The following FOXP2 variants were observed in gnomAD, a reference collection of about 807,000 sequenced individuals.
The protein encoded by FOXP2 is forkhead box protein P2.
In FOXP2, 12 loss-of-function variants were observed where a neutral mutation model predicts 115.8. That is an observed-to-expected ratio of 0.10 (90% confidence interval 0.07 to 0.17). The LOEUF (loss-of-function observed/expected upper bound fraction) is 0.17, where lower values mean the gene tolerates loss of function less well. Among genes scored for constraint, FOXP2 ranks in the 10% least tolerant of loss-of-function variants. FOXP2 has a pLI of 1.00. For synonymous variants in FOXP2, 328 were observed against 297.7 expected (o/e 1.10, Z -1.05); for missense variants, 629 against 843.5 (o/e 0.75, Z 3.15).
At chr7:114,619,221 A>T (rs975872561) in intron 3 of FOXP2, among the ~76,000 whole-genome samples, 4 of 91,624 alleles carry the variant, frequency 4.4e-5, no homozygotes, top group African/African-American at 1.1e-4. Context: ...AATTGTTTGA[A>T]AAAAGAAATG....
intron 1 of FOXP2, among the ~76,000 whole-genome samples, chr7:114,253,811 A>G (rs939150948): frequency 6.6e-6 from 1 of 152,160 alleles, no homozygotes; most frequent in East Asian, 1.9e-4. Context: ...TAATATTGTT[A>G]TGTGTGAATT....
At chr7:114,579,795 C>G (rs1801754163) in intron 3 of FOXP2, among the ~76,000 whole-genome samples, 1 of 152,126 alleles carries the variant, frequency 6.6e-6, no homozygotes, top group South Asian at 2.1e-4. Flanking sequence ...TGAGCATATA[C>G]TATGGATAAC....
At chr7:114,503,479 T>G (rs1464453988) in intron 2 of FOXP2, among the ~76,000 whole-genome samples, 1 of 151,584 alleles carries the variant, frequency 6.6e-6, no homozygotes, top group Non-Finnish European at 1.5e-5. Flanking sequence ...CTCTAATATA[T>G]CTTGATATAA....
chr7:114,121,511 G>GAT (rs1410460645), intron 1 of FOXP2, among the ~76,000 whole-genome samples: 1 of 152,110 alleles, frequency 6.6e-6, no homozygotes, highest in African/African-American at 2.4e-5. Flanking sequence ...GTTGGCAGTG[G>GAT]ATATATGGAT....
intron 3 of FOXP2, among the ~76,000 whole-genome samples, chr7:114,588,287 A>G (rs1273528555): frequency 1.3e-5 from 2 of 152,114 alleles, no homozygotes; most frequent in Non-Finnish European, 2.9e-5. Flanking sequence ...AGCCTGGGCA[A>G]CAGATGAGAC....
intron 3 of FOXP2, among the ~76,000 whole-genome samples, chr7:114,605,180 A>G (rs1389673655): frequency 3.9e-5 from 6 of 152,186 alleles, no homozygotes; most frequent in Admixed American, 1.3e-4. Flanking sequence ...ACTCACATTT[A>G]CATGTTTTTT....
At chr7:114,579,044 T>C (rs1433019327) in intron 3 of FOXP2, among the ~76,000 whole-genome samples, 1 of 152,158 alleles carries the variant, frequency 6.6e-6, no homozygotes, top group Non-Finnish European at 1.5e-5. Flanking sequence ...AGACTATACA[T>C]TCAAGAAGGA....
chr7:114,564,713 C>G (rs1176979519), intron 3 of FOXP2, among the ~76,000 whole-genome samples: 26 of 151,776 alleles, frequency 1.7e-4, no homozygotes, highest in Admixed American at 1.7e-3. Context: ...GACCCTGTCT[C>G]TACAAAAATC....
chr7:114,264,970 C>T lies in FOXP2; in HGVS notation c.-101-23049C>T, dbSNP rs894854750. Reference sequence around the variant, plus strand: ...ATCCTCCCACATGACCCAAGCACTTCCCACCAGGCCCTACTTCCAACATTG... The same window carrying T: ...ATCCTCCCACATGACCCAAGCACTTTCCACCAGGCCCTACTTCCAACATTG... On this transcript the variant is annotated intron_variant, in intron 1 of 17. Coordinates refer to the FOXP2 transcript ENST00000634411. Among the ~76,000 whole-genome samples, 15 of 152,148 alleles carry T rather than the reference C, an allele frequency of 9.9e-5. 1 individual carries two copies. The highest frequency in any genetic ancestry group is 2.2e-4 in the Non-Finnish European group (15 of 68,022).
At chr7:114,555,248 A>G (rs1270502383) in intron 3 of FOXP2, among the ~76,000 whole-genome samples, 40 of 152,182 alleles carry the variant, frequency 2.6e-4, no homozygotes, top group Admixed American at 2.6e-3. Context: ...GTTAAATTAC[A>G]TTATCTACAG....
chr7:114,218,654 A>G (rs887228813), intron 1 of FOXP2, among the ~76,000 whole-genome samples: 1 of 152,236 alleles, frequency 6.6e-6, no homozygotes, highest in Non-Finnish European at 1.5e-5. Flanking sequence ...CAAGTAAAAA[A>G]TAATCTAAGT....
chr7:114,656,275 T>G (rs766597144), intron 10 of FOXP2, among the ~76,000 whole-genome samples: 1 of 152,120 alleles, frequency 6.6e-6, no homozygotes, highest in Non-Finnish European at 1.5e-5. Context: ...TTGTTCTGGT[T>G]TGCAATTCTA....
At chr7:114,602,239 T>C (rs1187411975) in intron 3 of FOXP2, among the ~76,000 whole-genome samples, 2 of 152,062 alleles carry the variant, frequency 1.3e-5, no homozygotes, top group Non-Finnish European at 2.9e-5. Flanking sequence ...GAAATATCCT[T>C]AATTCTAATA....
At chr7:114,517,237 T>C (rs543597532) in intron 2 of FOXP2, among the ~76,000 whole-genome samples, 2 of 152,278 alleles carry the variant, frequency 1.3e-5, no homozygotes, top group East Asian at 3.9e-4. Flanking sequence ...TTCTCATATA[T>C]GTTGAATATT....
At chr7:114,145,851 A>G (rs924970826) in intron 1 of FOXP2, among the ~76,000 whole-genome samples, 1 of 152,214 alleles carries the variant, frequency 6.6e-6, no homozygotes. Context: ...TATTGTATAG[A>G]AAAATGAAAT....
chr7:114,274,603 C>CT (rs71157577), intron 1 of FOXP2, among the ~76,000 whole-genome samples: 25,845 of 42,494 alleles, frequency 0.61, 12,279 homozygotes, highest in Non-Finnish European at 0.81. Flanking sequence ...CCTCTCAAAG[C>CT]TTTTTTTTTT....
chr7:114,228,222 A>G (rs1473622087), intron 1 of FOXP2, among the ~76,000 whole-genome samples: 1 of 151,982 alleles, frequency 6.6e-6, no homozygotes, highest in Non-Finnish European at 1.5e-5. Flanking sequence ...GTGTTCTTGA[A>G]AAGATATGAG....
intron 2 of FOXP2, among the ~76,000 whole-genome samples, chr7:114,483,655 A>G (rs990031488): frequency 4.6e-5 from 7 of 151,740 alleles, no homozygotes; most frequent in African/African-American, 1.7e-4. Flanking sequence ...AATGATACTG[A>G]CGTTTTTTAA....
intron 2 of FOXP2, among the ~76,000 whole-genome samples, chr7:114,326,322 A>G (rs1797556764): frequency 6.6e-6 from 1 of 152,118 alleles, no homozygotes; most frequent in Non-Finnish European, 1.5e-5. Flanking sequence ...ATAAAGTTGA[A>G]GAGTCTATAA....
Sources: allele counts gnomAD v4.1 joint callset (sites outside exome capture counted in the v4.1 genomes callset), GRCh38; gene constraint gnomAD v4.1.1; transcripts MANE v1.5; gene names NCBI Gene and HGNC (gene_info 2026-07-23, HGNC 2026-07-21).